Variants in AGAP3 observed in about 807,000 individuals in gnomAD.
The protein encoded by AGAP3 is arf-GAP with GTPase, ANK repeat and PH domain-containing protein 3.
In AGAP3, 24 loss-of-function variants were observed where a neutral mutation model predicts 96.9. The observed-to-expected ratio is 0.25, with a 90% CI of 0.18 to 0.35. The LOEUF is 0.35. AGAP3 is among the 10% of genes least tolerant of loss of function. The probability of loss-of-function intolerance (pLI) is 1.00; values close to 1 mark genes in which losing one functional copy is unlikely to be tolerated. For missense variants in AGAP3, 876 were observed against 1,254.2 expected (o/e 0.70, Z 4.55); for synonymous variants, 563 against 536.1 (o/e 1.05, Z -0.69).
chr7:151,119,951 C>T lies in AGAP3; in HGVS notation c.970-36C>T, dbSNP rs200736798. The T allele has an allele frequency of 1.1e-3, 1,715 of 1,608,934 alleles. 3 individuals are homozygous for T. Among genetic ancestry groups the T allele is most frequent in the Non-Finnish European group, 1.4e-3 (1,661 of 1,178,362 alleles). The stretch of plus-strand genomic sequence containing the variant: ...CGCCTGGTGCCCGTCCCGCCCCTGA[C>T]CCGGAGCTGCCCTCAGCAGCCCTCT... On this transcript the variant is annotated intron_variant, in intron 7 of 17. Coordinates refer to ENST00000397238, the MANE Select transcript of AGAP3 (RefSeq NM_031946.7).
At chr7:151,135,642 C>T (rs1563518756) in intron 11 of AGAP3, among the ~76,000 whole-genome samples, 1 of 152,172 alleles carries the variant, frequency 6.6e-6, no homozygotes, top group East Asian at 1.9e-4. Context: ...ACCAGGTGTG[C>T]TGGGCCCACT....
chr7:151,141,859 A>G lies in AGAP3; in HGVS notation c.1805-39A>G. 1.2e-6 allele frequency: 2 copies of G among 1,613,978 alleles called. No homozygotes were observed. The highest frequency in any genetic ancestry group is 1.3e-5 in the African/African-American group (1 of 75,010). On this transcript the variant is annotated intron_variant, in intron 13 of 17. Transcript: ENST00000397238. The surrounding 1 kb of genome is among the most constrained non-coding windows in gnomAD (Gnocchi z 4.2). ...GATAGCATGCCCTGGGTGTGCACGC[A>G]GGCCAGGAGCCCTGATGGCATAAAC...
Position 151,123,535 on chromosome 7 carries a change from C to G in AGAP3, c.1129-259C>G, listed in dbSNP as rs1171481872. 3.1e-6 allele frequency: 4 copies of G among 1,304,714 alleles called. No homozygotes were observed. In the East Asian group the frequency reaches 1.2e-4, roughly 41 times the overall value. The allele number at this position is 1,304,714 out of a possible 1,614,324, so 80.8% of individuals were successfully genotyped here. A position where few individuals can be genotyped will look rare whatever the true frequency, so the allele number is the denominator to read the frequency against. On this transcript the variant is annotated intron_variant, in intron 8 of 17. Transcript: ENST00000397238. ...CCCGCCCCGGGCGTGCTCCTCGCGC[C>G]CTCGGCCTCTCTGTCCTTGCTCTTT...
At chr7:151,128,384 A>C in intron 9 of AGAP3, 196 bp from the exon 10 acceptor site, 1 of 551,698 alleles carries the variant, frequency 1.8e-6, no homozygotes, top group Non-Finnish European at 3.3e-6. Context: ...ATGATGGGGG[A>C]GAGCCGAGTT....
At chr7:151,120,505 C>T (rs1030337271) in intron 8 of AGAP3, 2 of 714,364 alleles carry the variant, frequency 2.8e-6, no homozygotes, top group Non-Finnish European at 4.5e-6. Context: ...CCCCTGACCC[C>T]CTTTGATTCA....
chr7:151,115,473 C>G, intron 1 of AGAP3: 1 of 1,015,992 alleles, frequency 9.8e-7, no homozygotes, highest in Non-Finnish European at 1.2e-6. Context: ...CCGCGACCTG[C>G]TGGGCTCCGA....
At chr7:151,087,269 G>T in intron 1 of AGAP3, 197 bp downstream of exon 1, 2 of 625,154 alleles carry the variant, frequency 3.2e-6, no homozygotes, top group Non-Finnish European at 5.6e-6. Flanking sequence ...GGACACTTTG[G>T]GGTTGGGGGT....
intron 1 of AGAP3, among the ~76,000 whole-genome samples, chr7:151,089,308 C>T (rs1223714252): frequency 1.3e-5 from 2 of 152,220 alleles, no homozygotes; most frequent in East Asian, 3.8e-4. Context: ...GCGCAGACTC[C>T]CTGGGCGTTT....
chr7:151,127,914 C>T (rs552377495), intron 9 of AGAP3, among the ~76,000 whole-genome samples: 1 of 152,194 alleles, frequency 6.6e-6, no homozygotes, highest in South Asian at 2.1e-4. Flanking sequence ...AGGCCCTGTC[C>T]CCGGGGCAGG....
In AGAP3 at chr7:151,143,794, C is replaced by T. The variant is rs549438864; in HGVS notation, c.2587C>T (p.Arg863Cys). 1.2e-5 allele frequency: 20 copies of T among 1,614,096 alleles called. No individual in the cohort carries two copies. Among genetic ancestry groups the T allele is most frequent in the African/African-American group, 1.2e-4 (9 of 75,054 alleles). ...ARGLTPLAYA[R>C]RAGSQECADI... ...GGGCCTGACTCCACTGGCATATGCTCGCCGGGCCGGCAGCCAGGAGTGTGC... is the reference window on the plus strand; with the variant it reads ...GGGCCTGACTCCACTGGCATATGCTTGCCGGGCCGGCAGCCAGGAGTGTGC... Residue 863 changes from arginine (R) to cysteine (C), a missense_variant, in exon 18 of 18, where the codon CGC (arginine) becomes TGC (cysteine). This residue lies in a region of AGAP3 where 213 missense variants were observed against 253.8 expected (regional missense o/e 0.84). Coordinates refer to ENST00000397238, the MANE Select transcript of AGAP3 (RefSeq NM_031946.7). The surrounding 1 kb of genome is among the most constrained non-coding windows in gnomAD (Gnocchi z 5.9).
chr7:151,115,319 G>C, intron 1 of AGAP3: 1 of 1,009,988 alleles, frequency 9.9e-7, no homozygotes, highest in Non-Finnish European at 1.2e-6. Context: ...GGCGCGGCCT[G>C]GCGGCGCTCA....
Position 151,143,191 on chromosome 7 carries a change from C to G in AGAP3, c.2274-150C>G. ...TGTGTGCCTGGAGTTTCCAAGGCTT[C>G]TCTCCTTCCTTTTTGCTCCATCTCA... On this transcript the variant is annotated intron_variant, in intron 16 of 17. Coordinates refer to ENST00000397238, the MANE Select transcript of AGAP3 (RefSeq NM_031946.7). This position sits in a 1 kb window ranked among gnomAD's most constrained non-coding sequence, Gnocchi z 5.9. 1.1e-6 allele frequency: 1 copy of G among 951,316 alleles called. No homozygotes were observed. The allele number at this position is 951,316 out of a possible 1,614,324, so 58.9% of individuals were successfully genotyped here.
intron 1 of AGAP3, chr7:151,115,103 C>A: frequency 9.7e-7 from 1 of 1,030,118 alleles, no homozygotes; most frequent in Non-Finnish European, 1.2e-6. Flanking sequence ...CGACCCGGCG[C>A]AGCCGCACCC....
intron 9 of AGAP3, among the ~76,000 whole-genome samples, chr7:151,126,143 G>A (rs1387695686): frequency 1.3e-5 from 2 of 149,180 alleles, no homozygotes; most frequent in Non-Finnish European, 2.9e-5. Flanking sequence ...CCTCGCCTCC[G>A]CCTGGGGAGG....
Position 151,118,455 on chromosome 7 carries a change from G to A in AGAP3, c.842-50G>A, listed in dbSNP as rs1799703723. On this transcript the variant is annotated intron_variant, in intron 6 of 17. Coordinates refer to ENST00000397238, the MANE Select transcript of AGAP3 (RefSeq NM_031946.7). This position sits in a 1 kb window ranked among gnomAD's most constrained non-coding sequence, Gnocchi z 6.1. ...TGTCTGGGGGGAGGTGCTAAGCCAG[G>A]CTTTTCCCTTCTCTCCAGTGGGTAT... is the stretch of plus-strand genomic sequence containing the variant. The A allele has an allele frequency of 6.2e-7, 1 of 1,605,404 alleles. No homozygotes were observed. The highest frequency in any genetic ancestry group is 8.5e-7 in the Non-Finnish European group (1 of 1,172,840).
intron 8 of AGAP3, among the ~76,000 whole-genome samples, chr7:151,121,241 C>G (rs1007856594): frequency 4.6e-5 from 7 of 152,206 alleles, no homozygotes; most frequent in Non-Finnish European, 7.3e-5. Context: ...AACAGAGACT[C>G]TGTGCTGACG....
intron 1 of AGAP3, among the ~76,000 whole-genome samples, chr7:151,088,884 C>T (rs1016836131): frequency 6.6e-6 from 1 of 152,190 alleles, no homozygotes; most frequent in African/African-American, 2.4e-5. Context: ...ACCGACTTCT[C>T]CATTGCGGTT....
chr7:151,106,127 T>G (rs1382813144), intron 1 of AGAP3, among the ~76,000 whole-genome samples: 1 of 152,134 alleles, frequency 6.6e-6, no homozygotes, highest in Non-Finnish European at 1.5e-5. Context: ...GTTCAGGTAC[T>G]CTGAGCATTG....
chr7:151,134,600 G>T, intron 11 of AGAP3, 32 bp downstream of exon 11: 1 of 1,569,216 alleles, frequency 6.4e-7, no homozygotes, highest in East Asian at 2.3e-5. Flanking sequence ...GGGCCTGGGG[G>T]GTGGCTGCCT....
Sources: allele counts gnomAD v4.1 joint callset (sites outside exome capture counted in the v4.1 genomes callset), GRCh38; gene constraint gnomAD v4.1.1; regional missense constraint gnomAD v4.1.1; non-coding constraint Gnocchi (gnomAD v3.1); transcripts MANE v1.5; gene names NCBI Gene and HGNC (gene_info 2026-07-23, HGNC 2026-07-21).